The following LHPP variants were observed in gnomAD, a reference collection of about 807,000 sequenced individuals.
LHPP encodes the protein phospholysine phosphohistidine inorganic pyrophosphate phosphatase, also known as hLHPP.
A neutral mutation model predicts 30.3 loss-of-function variants in LHPP; 24 were observed. The ratio of observed to expected loss-of-function variants is 0.79; its 90% CI spans 0.57 to 1.11. LHPP has a LOEUF of 1.11. Ranked by LOEUF, LHPP falls within the 50% of genes most tolerant of loss-of-function variation. The pLI, the probability that LHPP is intolerant of heterozygous loss-of-function variation, is 0.00. For synonymous variants in LHPP, 150 were observed against 157.1 expected, an observed-to-expected ratio of 0.95 and a Z score of 0.34; for missense variants, 356 against 367.2, an observed-to-expected ratio of 0.97 and a Z score of 0.25.
chr10:124,480,769 G>A (rs1000226682), intron 1 of LHPP, among the ~76,000 whole-genome samples: 1 of 152,214 alleles, frequency 6.6e-6, no homozygotes, highest in Admixed American at 6.5e-5. Flanking sequence ...CAAATAATAA[G>A]AAAGGAATGA....
intron 1 of LHPP, among the ~76,000 whole-genome samples, chr10:124,482,553 C>A (rs542957182): frequency 6.6e-6 from 1 of 152,118 alleles, no homozygotes; most frequent in Non-Finnish European, 1.5e-5. Flanking sequence ...TTGTTGGGGC[C>A]GGTTTGTCCA....
chr10:124,593,719 G>A lies in LHPP; in HGVS notation c.717-19545G>A, dbSNP rs182333089. ...GGTGGCTGAGGAGAGGGGTTGGGGC[G>A]AGGACCAGCTCTGGGCAGTCTCCAG... On this transcript the variant is annotated intron_variant, in intron 6 of 6. Coordinates refer to ENST00000368842, the MANE Select transcript of LHPP (RefSeq NM_022126.4). The surrounding 1 kb of genome is among the most constrained non-coding windows in gnomAD (Gnocchi z 4.9). 3.3e-5 allele frequency among the ~76,000 whole-genome samples: 5 copies of A among 152,378 alleles called. No individual in the cohort carries two copies. The highest frequency in any genetic ancestry group is 1.9e-4 in the East Asian group (1 of 5,190).
chr10:124,486,681 C>T (rs1953336925), intron 2 of LHPP, among the ~76,000 whole-genome samples: 1 of 152,222 alleles, frequency 6.6e-6, no homozygotes, highest in South Asian at 2.1e-4. Context: ...TTTGTGTAGA[C>T]ATTAGCACCT....
At chr10:124,499,880 A>G (rs1224484870) in intron 5 of LHPP, among the ~76,000 whole-genome samples, 1 of 151,978 alleles carries the variant, frequency 6.6e-6, no homozygotes, top group East Asian at 1.9e-4. Flanking sequence ...CTGCCCTGAG[A>G]TCCATAGAGA....
chr10:124,586,396 G>A (rs1948804114), intron 6 of LHPP, among the ~76,000 whole-genome samples: 1 of 152,204 alleles, frequency 6.6e-6, no homozygotes, highest in South Asian at 2.1e-4. Context: ...TTGGGAGGGG[G>A]AAATAGCCCT....
chr10:124,532,191 T>C (rs1954916055), intron 6 of LHPP, among the ~76,000 whole-genome samples: 1 of 152,258 alleles, frequency 6.6e-6, no homozygotes, highest in Non-Finnish European at 1.5e-5. Flanking sequence ...GTTCATTTGT[T>C]CAGTCTTTGC....
intron 6 of LHPP, among the ~76,000 whole-genome samples, chr10:124,543,160 C>T (rs2133947371): frequency 6.6e-6 from 1 of 152,322 alleles, no homozygotes; most frequent in Non-Finnish European, 1.5e-5. Flanking sequence ...AGAAAATGCC[C>T]CCGTTCCAGC....
Position 124,475,027 on chromosome 10 carries a change from T to A in LHPP, c.126-9112T>A, listed in dbSNP as rs570008004. On this transcript the variant is annotated intron_variant, in intron 1 of 6. Transcript: ENST00000368842. ...TTTGAAATGTGCCAGGTGCTTCTCA[T>A]GTCTTTTTTTTTTGAAATGGAGTCT... 7.2e-5 allele frequency among the ~76,000 whole-genome samples: 5 copies of A among 69,898 alleles called. No homozygotes were observed. In the East Asian group the frequency reaches 2.1e-3, roughly 29 times the overall value. 45.9% of individuals were successfully genotyped at this position (69,898 alleles called of 152,430 possible).
intron 5 of LHPP, among the ~76,000 whole-genome samples, chr10:124,505,983 C>A (rs1291146742): frequency 1.3e-5 from 2 of 152,150 alleles, no homozygotes; most frequent in Admixed American, 6.5e-5. Context: ...CAGTTGCTCA[C>A]ACCTGTAATC....
At chr10:124,552,496 T>A (rs1263593380) in intron 6 of LHPP, among the ~76,000 whole-genome samples, 1 of 152,092 alleles carries the variant, frequency 6.6e-6, no homozygotes, top group Non-Finnish European at 1.5e-5. Flanking sequence ...AAGAAAGCCA[T>A]CTCTACCTGG....
intron 6 of LHPP, among the ~76,000 whole-genome samples, chr10:124,534,689 C>T (rs548837134): frequency 4.6e-5 from 7 of 152,338 alleles, no homozygotes; most frequent in South Asian, 2.1e-4. Flanking sequence ...CCGTCCTTCC[C>T]GCCCGGTGCC....
intron 6 of LHPP, among the ~76,000 whole-genome samples, chr10:124,539,762 C>T (rs1260351256): frequency 7.1e-6 from 1 of 141,608 alleles, no homozygotes; most frequent in East Asian, 2.0e-4. Flanking sequence ...ATTAGTCAGG[C>T]ATGGTGGCAC....
chr10:124,601,238 G>A (rs1396015715), intron 6 of LHPP, among the ~76,000 whole-genome samples: 1 of 152,196 alleles, frequency 6.6e-6, no homozygotes, highest in Non-Finnish European at 1.5e-5. Context: ...GGCTGGGCCC[G>A]CCTTGCCCCT....
intron 6 of LHPP, among the ~76,000 whole-genome samples, chr10:124,603,568 T>A (rs1949055135): frequency 6.6e-6 from 1 of 151,964 alleles, no homozygotes; most frequent in Admixed American, 6.5e-5. Flanking sequence ...TGTTTGGATT[T>A]TTTTTTTCTG....
rs1283606742 is a variant in LHPP, at chr10:124,523,311, G to T, written c.716+6040G>T. ...GGTGCTGAAGGGGTTTCCCCCCAGT[G>T]GGGTGGCCAGCCGATCTAGGATTCC... is the stretch of plus-strand genomic sequence containing the variant. On this transcript the variant is annotated intron_variant, in intron 6 of 6. Coordinates refer to ENST00000368842, the MANE Select transcript of LHPP (RefSeq NM_022126.4). The surrounding 1 kb of genome is among the most constrained non-coding windows in gnomAD (Gnocchi z 4.2). 2.0e-5 allele frequency among the ~76,000 whole-genome samples: 3 copies of T among 152,226 alleles called. No homozygotes were observed. The highest frequency in any genetic ancestry group is 7.2e-5 in the African/African-American group (3 of 41,460).
chr10:124,506,329 G>T (rs1004122828), intron 5 of LHPP, among the ~76,000 whole-genome samples: 1 of 143,712 alleles, frequency 7.0e-6, no homozygotes, highest in Non-Finnish European at 1.5e-5. Flanking sequence ...TCATTTTGTG[G>T]TGAGGGGATG....
chr10:124,596,507 AAC>A lies in LHPP; in HGVS notation c.717-16749_717-16748del, dbSNP rs905504545. Among the ~76,000 whole-genome samples the A allele has an allele frequency of 1.3e-5, 2 of 152,152 alleles. No individual in the cohort carries two copies. The highest frequency in any genetic ancestry group is 2.4e-5 in the African/African-American group (1 of 41,428). On this transcript the variant is annotated intron_variant, in intron 6 of 6. Transcript: ENST00000368842. This position sits in a 1 kb window ranked among gnomAD's most constrained non-coding sequence, Gnocchi z 4.6. ...GCCTGCATGAATCCCTTTTAGGTGG[AAC>A]ACACACAGAGTGGGCCGGCGCTCAT...
chr10:124,540,479 C>A (rs12569981), intron 6 of LHPP, among the ~76,000 whole-genome samples: 13,562 of 152,288 alleles, frequency 0.089, 770 homozygotes, highest in South Asian at 0.25. Context: ...CTCAGTTTCC[C>A]TTTCCCCGAG....
At chr10:124,502,655 A>G (rs1355268315) in intron 5 of LHPP, among the ~76,000 whole-genome samples, 4 of 132,980 alleles carry the variant, frequency 3.0e-5, no homozygotes, top group African/African-American at 1.2e-4. Flanking sequence ...GACGTGAGCC[A>G]CCACGCCCAG....
Sources: gnomAD v4.1 joint callset for allele counts (sites outside exome capture counted in the v4.1 genomes callset) on GRCh38, gnomAD v4.1.1 for gene constraint, Gnocchi (gnomAD v3.1) non-coding constraint, MANE v1.5 for transcripts, NCBI Gene and HGNC (gene_info 2026-07-23, HGNC 2026-07-21) for gene names.